The following FOCAD variants were observed in gnomAD, a reference collection of about 807,000 sequenced individuals.
FOCAD encodes focadhesin.
A neutral mutation model predicts 225.6 loss-of-function variants in FOCAD; 198 were observed. The observed-to-expected ratio is 0.88, with a 90% confidence interval of 0.78 to 0.99. The LOEUF (loss-of-function observed/expected upper bound fraction) is 0.99. FOCAD is among the 50% of genes least tolerant of loss of function. The pLI is 0.00. For synonymous variants in FOCAD, 897 were observed against 755.0 expected (o/e 1.19, Z -3.08); for missense variants, 2,713 against 2,123.6 (o/e 1.28, Z -5.46).
At position 20,805,490 on chromosome 9, in the gene FOCAD, C is replaced by G. The variant is rs374963712; in HGVS notation, c.1456-14306C>G. On this transcript the variant is annotated intron_variant, in intron 11 of 43. Coordinates refer to ENST00000338382, the MANE Select transcript of FOCAD (RefSeq NM_001375567.1). The stretch of plus-strand genomic sequence containing the variant: ...GGGGACTAGGAAGAAACAAAGTGAT[C>G]AGCAATAACATTGCAAATAATTTGG... Among the ~76,000 whole-genome samples the G allele has an allele frequency of 2.0e-5, 3 of 152,238 alleles. No individual in the cohort carries two copies. The South Asian group carries it at 6.2e-4, about 32-fold the overall frequency.
intron 11 of FOCAD, among the ~76,000 whole-genome samples, chr9:20,796,016 C>T (rs1821057270): frequency 6.6e-6 from 1 of 151,372 alleles, no homozygotes; most frequent in Non-Finnish European, 1.5e-5. Flanking sequence ...TTCCTGTGTC[C>T]ATGTGTTCTC....
intron 24 of FOCAD, 81 bp downstream of exon 24, chr9:20,917,018 G>A (rs1833931517): frequency 1.8e-6 from 2 of 1,101,166 alleles, no homozygotes; most frequent in South Asian, 1.6e-5. Flanking sequence ...TCCTTTTAGG[G>A]CATTTCATAA....
chr9:20,892,983 T>C (rs1831753297), intron 21 of FOCAD, among the ~76,000 whole-genome samples: 1 of 152,100 alleles, frequency 6.6e-6, no homozygotes, highest in Admixed American at 6.6e-5. Flanking sequence ...CAAAGATTTA[T>C]ATAATTATTT....
intron 29 of FOCAD, 77 bp downstream of exon 29, chr9:20,944,851 T>A: frequency 7.1e-7 from 1 of 1,414,780 alleles, no homozygotes; most frequent in Non-Finnish European, 9.5e-7. Flanking sequence ...GGACTTACCA[T>A]ATTTTGGTAA....
At chr9:20,970,510 C>T (rs1056737062) in intron 35 of FOCAD, among the ~76,000 whole-genome samples, 11 of 151,950 alleles carry the variant, frequency 7.2e-5, no homozygotes, top group African/African-American at 2.7e-4. Context: ...TTTTAGAGTA[C>T]AGAACTCTAT....
chr9:20,983,557 C>T (rs1217024985), intron 39 of FOCAD, among the ~76,000 whole-genome samples: 8 of 129,802 alleles, frequency 6.2e-5, no homozygotes, highest in East Asian at 2.2e-4. Flanking sequence ...GGTGACAGAA[C>T]GAGACTCTGT....
chr9:20,907,050 T>C, intron 21 of FOCAD, 100 bp from the exon 22 acceptor site: 1 of 896,770 alleles, frequency 1.1e-6, no homozygotes, highest in Non-Finnish European at 1.7e-6. Context: ...TTTCAGAATC[T>C]AAACCACTTA....
chr9:20,993,934 G>A (rs1280183727), intron 43 of FOCAD, among the ~76,000 whole-genome samples: 2 of 152,100 alleles, frequency 1.3e-5, no homozygotes, highest in Non-Finnish European at 2.9e-5. Flanking sequence ...AAGCAGCAAA[G>A]AGAAATCCAG....
At chr9:20,851,209 T>G (rs1827615512) in intron 15 of FOCAD, among the ~76,000 whole-genome samples, 2 of 151,206 alleles carry the variant, frequency 1.3e-5, no homozygotes, top group Admixed American at 6.6e-5. Context: ...GAAAGAGTTT[T>G]GGTTTTTTTT....
chr9:20,721,208 A>C (rs1259572219), intron 4 of FOCAD, among the ~76,000 whole-genome samples: 1 of 152,168 alleles, frequency 6.6e-6, no homozygotes, highest in Non-Finnish European at 1.5e-5. Flanking sequence ...GTCTTGATCT[A>C]TATGTCCTAA....
chr9:20,691,427 TATC>T (rs1822969062), intron 1 of FOCAD, among the ~76,000 whole-genome samples: 1 of 152,066 alleles, frequency 6.6e-6, no homozygotes, highest in African/African-American at 2.4e-5. Context: ...TTCTGGATCA[TATC>T]ATTCAGCCTT....
chr9:20,813,008 A>G (rs1309326528), intron 11 of FOCAD, among the ~76,000 whole-genome samples: 1 of 152,026 alleles, frequency 6.6e-6, no homozygotes, highest in East Asian at 1.9e-4. Flanking sequence ...ATACTCATTG[A>G]ACAGTAGCTC....
intron 35 of FOCAD, among the ~76,000 whole-genome samples, chr9:20,965,434 TTC>T (rs1839173242): frequency 6.6e-6 from 1 of 152,192 alleles, no homozygotes; most frequent in Non-Finnish European, 1.5e-5. Context: ...ATCTCTCTTT[TTC>T]TCTTTTTCAG....
intron 2 of FOCAD, among the ~76,000 whole-genome samples, chr9:20,672,931 A>G (rs897786608): frequency 6.6e-6 from 1 of 152,258 alleles, no homozygotes; most frequent in African/African-American, 2.4e-5. Flanking sequence ...AGTTTCTAAT[A>G]CATAACTTAT....
chr9:20,820,508 T>G, intron 13 of FOCAD, 83 bp downstream of exon 13: 1 of 1,231,438 alleles, frequency 8.1e-7, no homozygotes, highest in Non-Finnish European at 1.2e-6. Context: ...ATGGCAATGC[T>G]TTGGTTTAGT....
At chr9:20,675,376 T>G (rs1822202636) in intron 2 of FOCAD, among the ~76,000 whole-genome samples, 1 of 152,218 alleles carries the variant, frequency 6.6e-6, no homozygotes, top group Admixed American at 6.5e-5. Flanking sequence ...TTTTGTGTCA[T>G]GCTTTTAAGG....
At chr9:20,675,411 T>C (rs1822203423) in intron 2 of FOCAD, among the ~76,000 whole-genome samples, 1 of 152,224 alleles carries the variant, frequency 6.6e-6, no homozygotes. Flanking sequence ...GATTATTTTG[T>C]TATCAAATTG....
chr9:20,721,224 G>A (rs563498097), intron 4 of FOCAD, among the ~76,000 whole-genome samples: 1 of 152,230 alleles, frequency 6.6e-6, no homozygotes, highest in East Asian at 1.9e-4. Context: ...CCTAATTTTT[G>A]ACTACTTCAA....
chr9:20,692,573 G>A (rs982144413), intron 1 of FOCAD, among the ~76,000 whole-genome samples: 1 of 152,160 alleles, frequency 6.6e-6, no homozygotes, highest in South Asian at 2.1e-4. Flanking sequence ...TAGATGTGGG[G>A]CAGCTCTTTT....
Sources: allele counts gnomAD v4.1 joint callset (sites outside exome capture counted in the v4.1 genomes callset), GRCh38; gene constraint gnomAD v4.1.1; transcripts MANE v1.5; gene names NCBI Gene and HGNC (gene_info 2026-07-23, HGNC 2026-07-21).